The following OXR1 variants were observed in gnomAD, a reference collection of about 807,000 sequenced individuals.
The protein encoded by OXR1 is oxidation resistance protein 1.
In OXR1, 41 loss-of-function variants were observed where a neutral mutation model predicts 104.6. The observed-to-expected ratio is 0.39, with a 90% CI of 0.31 to 0.51. The LOEUF is 0.51. OXR1 is among the 20% of genes least tolerant of loss of function. OXR1 has a pLI of 0.77. For synonymous variants in OXR1, 348 were observed against 348.4 expected (o/e 1.00, Z 0.01); for missense variants, 955 against 1,031.9 (o/e 0.93, Z 1.02).
intron 2 of OXR1, among the ~76,000 whole-genome samples, chr8:106,404,055 C>T (rs1818113304): frequency 6.6e-6 from 1 of 152,070 alleles, no homozygotes; most frequent in African/African-American, 2.4e-5. Flanking sequence ...CAGGGTTAAT[C>T]CCCTCAGACA....
intron 6 of OXR1, among the ~76,000 whole-genome samples, chr8:106,685,259 G>A (rs1401460491): frequency 6.6e-6 from 1 of 152,020 alleles, no homozygotes; most frequent in Non-Finnish European, 1.5e-5. Context: ...TTTCCCATGG[G>A]ACTTACAAAG....
chr8:106,340,144 T>C (rs1165975787), intron 1 of OXR1, among the ~76,000 whole-genome samples: 1 of 151,528 alleles, frequency 6.6e-6, no homozygotes, highest in African/African-American at 2.4e-5. Flanking sequence ...CTTTTAACCA[T>C]AACTCCGGTT....
chr8:106,582,867 C>G (rs1818355469), intron 3 of OXR1, among the ~76,000 whole-genome samples: 1 of 152,178 alleles, frequency 6.6e-6, no homozygotes, highest in African/African-American at 2.4e-5. Flanking sequence ...AAACCAATGT[C>G]ACAGTCTCTT....
At chr8:106,410,939 CT>C (rs1384853929) in intron 2 of OXR1, among the ~76,000 whole-genome samples, 1 of 152,050 alleles carries the variant, frequency 6.6e-6, no homozygotes, top group Non-Finnish European at 1.5e-5. Flanking sequence ...AATTATTCAC[CT>C]TTTTATTGAT....
chr8:106,510,234 T>G (rs1812435718), intron 2 of OXR1, among the ~76,000 whole-genome samples: 1 of 152,222 alleles, frequency 6.6e-6, no homozygotes, highest in Non-Finnish European at 1.5e-5. Context: ...TCCCCTGTAA[T>G]GAAACCATTC....
intron 2 of OXR1, among the ~76,000 whole-genome samples, chr8:106,475,248 T>C (rs1383207720): frequency 6.6e-6 from 1 of 151,964 alleles, no homozygotes; most frequent in East Asian, 1.9e-4. Flanking sequence ...ACCACATATT[T>C]TGTACATTAT....
intron 11 of OXR1, among the ~76,000 whole-genome samples, chr8:106,716,483 G>A (rs186093702): frequency 0.037 from 3,253 of 88,062 alleles, 890 homozygotes; most frequent in Non-Finnish European, 0.051. Flanking sequence ...AATTAGCCGG[G>A]CGCGGTGGTG....
intron 3 of OXR1, among the ~76,000 whole-genome samples, chr8:106,677,200 T>C (rs1455947956): frequency 6.6e-6 from 1 of 152,142 alleles, no homozygotes; most frequent in Non-Finnish European, 1.5e-5. Flanking sequence ...AATTTGCTAT[T>C]CAAAGAAATC....
intron 2 of OXR1, among the ~76,000 whole-genome samples, chr8:106,364,869 T>C (rs558189134): frequency 3.2e-4 from 48 of 152,248 alleles, no homozygotes; most frequent in African/African-American, 1.1e-3. Flanking sequence ...ATCTCAAAAA[T>C]TGCTATAGCC....
chr8:106,563,809 C>A (rs1260633789), intron 3 of OXR1, among the ~76,000 whole-genome samples: 1 of 152,190 alleles, frequency 6.6e-6, no homozygotes. Flanking sequence ...ACAGTGCAAT[C>A]AAATTAGAAC....
intron 2 of OXR1, among the ~76,000 whole-genome samples, chr8:106,461,985 C>T (rs1451189605): frequency 1.3e-5 from 2 of 152,152 alleles, no homozygotes; most frequent in South Asian, 2.1e-4. Flanking sequence ...ACTTGGATTA[C>T]TAGTGAATTT....
rs553035747 is a variant in OXR1, at chr8:106,302,766, T to G, written c.-139+32399T>G. On this transcript the variant is annotated intron_variant, in intron 1 of 16. Transcript: ENST00000517566. ...GGTTTTTTTGTTTGTTTGTTTGTTT[T>G]TTTGAGACAGAGTCTCGCTCTGTCA... 1.6e-4 allele frequency among the ~76,000 whole-genome samples: 25 copies of G among 152,168 alleles called. No individual in the cohort carries two copies. The East Asian group carries it at 2.3e-3, about 14-fold the overall frequency.
intron 1 of OXR1, among the ~76,000 whole-genome samples, chr8:106,312,022 C>A (rs574126584): frequency 1.3e-5 from 2 of 151,372 alleles, no homozygotes; most frequent in Admixed American, 6.6e-5. Flanking sequence ...TGCCCACAGA[C>A]CTTTTTTTCA....
intron 3 of OXR1, among the ~76,000 whole-genome samples, chr8:106,629,240 T>C (rs966888252): frequency 1.4e-5 from 2 of 144,988 alleles, no homozygotes; most frequent in Non-Finnish European, 3.0e-5. Context: ...TTCAAGTCTG[T>C]TTTTTTTTTT....
chr8:106,316,151 T>C (rs757646473), intron 1 of OXR1, among the ~76,000 whole-genome samples: 1 of 152,206 alleles, frequency 6.6e-6, no homozygotes, highest in Non-Finnish European at 1.5e-5. Flanking sequence ...GAGAAGAATC[T>C]GACAATTTCA....
intron 3 of OXR1, among the ~76,000 whole-genome samples, chr8:106,612,561 T>C (rs1176290980): frequency 6.6e-6 from 1 of 152,186 alleles, no homozygotes; most frequent in East Asian, 1.9e-4. Context: ...TCTGCATCTC[T>C]TATGACAATT....
chr8:106,363,631 C>G (rs1816340438), intron 2 of OXR1, among the ~76,000 whole-genome samples: 1 of 151,002 alleles, frequency 6.6e-6, no homozygotes, highest in Admixed American at 6.6e-5. Flanking sequence ...TGAACAGTTT[C>G]TATGGCCCTC....
At chr8:106,300,074 A>C (rs16874324) in intron 1 of OXR1, among the ~76,000 whole-genome samples, 1,580 of 152,310 alleles carry the variant, frequency 0.01, 37 homozygotes, top group African/African-American at 0.036. Flanking sequence ...CTAGTTCTTT[A>C]TAGTTATGGT....
chr8:106,589,603 A>C (rs1818921845), intron 3 of OXR1, among the ~76,000 whole-genome samples: 1 of 152,112 alleles, frequency 6.6e-6, no homozygotes, highest in Non-Finnish European at 1.5e-5. Flanking sequence ...CCCAATGTAG[A>C]AAACGCTGGA....
Sources: gnomAD v4.1 joint callset for allele counts (sites outside exome capture counted in the v4.1 genomes callset) on GRCh38, gnomAD v4.1.1 for gene constraint, MANE v1.5 for transcripts, NCBI Gene and HGNC (gene_info 2026-07-23, HGNC 2026-07-21) for gene names.